NPAS2: variants seen among roughly 807,000 people sequenced by gnomAD.
The protein encoded by NPAS2 is neuronal PAS domain-containing protein 2.
NPAS2 carries 23 observed loss-of-function variants against 107.5 expected under a neutral mutation model. The ratio of observed to expected loss-of-function variants is 0.21; its 90% confidence interval spans 0.15 to 0.30. The LOEUF (loss-of-function observed/expected upper bound fraction) is 0.30, where lower values mean the gene tolerates loss of function less well. NPAS2 is among the 10% of genes least tolerant of loss of function. NPAS2 has a pLI of 1.00. For missense variants in NPAS2, 756 were observed against 1,043.3 expected (o/e 0.72, Z 3.79); for synonymous variants, 403 against 417.5 (o/e 0.97, Z 0.42).
intron 5 of NPAS2, among the ~76,000 whole-genome samples, chr2:100,940,526 A>G (rs1428931856): frequency 6.6e-6 from 1 of 152,134 alleles, no homozygotes; most frequent in African/African-American, 2.4e-5. Context: ...AGCACTTACA[A>G]TGTAGCAGGC....
intron 1 of NPAS2, among the ~76,000 whole-genome samples, chr2:100,861,035 A>T (rs1678910166): frequency 1.4e-5 from 2 of 143,842 alleles, no homozygotes; most frequent in African/African-American, 2.5e-5. Flanking sequence ...CCCCCAGCTA[A>T]TTTTTTTTTT....
chr2:100,950,720 C>G (rs79989718), intron 7 of NPAS2, among the ~76,000 whole-genome samples: 6,829 of 152,246 alleles, frequency 0.045, 518 homozygotes, highest in African/African-American at 0.16. Flanking sequence ...CCTTGGCTGA[C>G]TGGGAGGCCT....
At chr2:100,933,125 C>T in intron 4 of NPAS2, 124 bp downstream of exon 4, 1 of 686,712 alleles carries the variant, frequency 1.5e-6, no homozygotes. Flanking sequence ...GACTTTGAAA[C>T]AGATACCTCC....
chr2:100,915,498 C>G (rs1440143923), intron 2 of NPAS2, among the ~76,000 whole-genome samples: 2 of 152,144 alleles, frequency 1.3e-5, no homozygotes, highest in Non-Finnish European at 2.9e-5. Context: ...TGGATCTGAT[C>G]TTGAGCAGCA....
intron 1 of NPAS2, among the ~76,000 whole-genome samples, chr2:100,849,497 A>G (rs1326031169): frequency 1.3e-5 from 2 of 152,170 alleles, no homozygotes; most frequent in Non-Finnish European, 2.9e-5. Flanking sequence ...TCATAGGGTC[A>G]GAACTCCAGG....
At chr2:100,887,570 G>A (rs543414146) in intron 1 of NPAS2, among the ~76,000 whole-genome samples, 155 of 152,236 alleles carry the variant, frequency 1.0e-3, no homozygotes, top group Middle Eastern at 3.2e-3. Flanking sequence ...AGGCCCAGCA[G>A]CCTGTGCAAG....
chr2:100,824,364 C>G (rs976205807), intron 1 of NPAS2, among the ~76,000 whole-genome samples: 2 of 152,298 alleles, frequency 1.3e-5, no homozygotes, highest in Admixed American at 1.3e-4. Flanking sequence ...ATAGCCCTTC[C>G]TAGGATATTT....
At chr2:100,887,328 G>A (rs1680758955) in intron 1 of NPAS2, among the ~76,000 whole-genome samples, 1 of 152,220 alleles carries the variant, frequency 6.6e-6, no homozygotes, top group African/African-American at 2.4e-5. Context: ...CTGGATGCAG[G>A]AACAGCAGGA....
chr2:100,956,182 A>C (rs1675555896), intron 7 of NPAS2, among the ~76,000 whole-genome samples: 1 of 152,222 alleles, frequency 6.6e-6, no homozygotes, highest in South Asian at 2.1e-4. Context: ...CTGGGATTAC[A>C]GGCACAAGCC....
At chr2:100,937,964 A>G in intron 5 of NPAS2, 122 bp downstream of exon 5, 2 of 824,328 alleles carry the variant, frequency 2.4e-6, no homozygotes, top group East Asian at 2.5e-5. Context: ...GAGGGCGGAG[A>G]GTAAAGGACT....
chr2:100,862,140 C>T (rs370593372), intron 1 of NPAS2, among the ~76,000 whole-genome samples: 55 of 152,166 alleles, frequency 3.6e-4, no homozygotes, highest in Non-Finnish European at 6.9e-4. Flanking sequence ...CACAACCTAT[C>T]GGATGGGTAA....
At position 100,875,461 on chromosome 2, in the gene NPAS2, T is replaced by TACACACACACACAC. The variant is rs56331462; in HGVS notation, c.-22-29240_-22-29227dup. Among the ~76,000 whole-genome samples the TACACACACACACAC allele has an allele frequency of 1.2e-3, 175 of 143,652 alleles. 2 individuals carry two copies. Among genetic ancestry groups the TACACACACACACAC allele is most frequent in the African/African-American group, 4.1e-3 (157 of 38,692 alleles). The allele number at this position is 143,652 out of a possible 152,430, so 94.2% of individuals were successfully genotyped here. ...ATAAAATTTTTAAAAATTAAAAGCT[T>TACACACACACACAC]ACACACACACACACACACACACACA... On this transcript the variant is annotated intron_variant, in intron 1 of 20. Transcript: ENST00000335681.
Position 100,968,243 on chromosome 2 carries a change from A to G in NPAS2, c.908-38A>G. 1 of 1,596,226 alleles carries G rather than the reference A, an allele frequency of 6.3e-7. No individual in the cohort carries two copies. The highest frequency in any genetic ancestry group is 8.6e-7 in the Non-Finnish European group (1 of 1,165,462). On this transcript the variant is annotated intron_variant, in intron 10 of 20. Transcript: ENST00000335681. The surrounding 1 kb of genome is among the most constrained non-coding windows in gnomAD (Gnocchi z 5.3). ...TTGGGGAAAAGATCATTTTCATATT[A>G]ACATTGGTTATATGCGGAATCCATT...
At chr2:100,901,621 T>C (rs967734420) in intron 1 of NPAS2, 1 of 892,678 alleles carries the variant, frequency 1.1e-6, no homozygotes, top group Non-Finnish European at 1.3e-6. Flanking sequence ...AGAATGAGAG[T>C]GTTTATTCCC....
intron 1 of NPAS2, among the ~76,000 whole-genome samples, chr2:100,853,249 A>G (rs1678327083): frequency 6.6e-6 from 1 of 152,240 alleles, no homozygotes; most frequent in Admixed American, 6.5e-5. Flanking sequence ...CCTAAACAGG[A>G]GGAAGAGTTG....
chr2:100,889,459 G>GT (rs1418905426), intron 1 of NPAS2, among the ~76,000 whole-genome samples: 1 of 152,178 alleles, frequency 6.6e-6, no homozygotes, highest in Non-Finnish European at 1.5e-5. Flanking sequence ...GAGACGACCA[G>GT]TTTTTTTCCC....
chr2:100,858,272 G>A (rs534581562), intron 1 of NPAS2, among the ~76,000 whole-genome samples: 12 of 152,326 alleles, frequency 7.9e-5, no homozygotes, highest in African/African-American at 1.7e-4. Flanking sequence ...CCAGCAAGAC[G>A]TAGAGAAAGA....
chr2:100,909,250 G>C (rs1321721386), intron 2 of NPAS2, among the ~76,000 whole-genome samples: 1 of 152,200 alleles, frequency 6.6e-6, no homozygotes, highest in Admixed American at 6.5e-5. Flanking sequence ...GCGCTTTCAG[G>C]CAAGTTAGAG....
chr2:100,847,118 C>T (rs932408222), intron 1 of NPAS2: 1 of 152,194 alleles, frequency 6.6e-6, no homozygotes, highest in African/African-American at 2.4e-5. Flanking sequence ...AGTTTGATCT[C>T]AGCTGTTGGT....
Sources: gnomAD v4.1 joint callset for allele counts (sites outside exome capture counted in the v4.1 genomes callset) on GRCh38, gnomAD v4.1.1 for gene constraint, Gnocchi (gnomAD v3.1) non-coding constraint, MANE v1.5 for transcripts, NCBI Gene and HGNC (gene_info 2026-07-23, HGNC 2026-07-21) for gene names.